Variants in SBF1 observed in about 807,000 individuals in gnomAD.
SBF1 encodes the protein SET binding factor 1.
Under a neutral mutation model 215.8 loss-of-function variants are expected in SBF1, and 65 were observed. That is an observed-to-expected ratio of 0.30 (90% CI 0.25 to 0.37). The LOEUF (loss-of-function observed/expected upper bound fraction) is 0.37, where lower values mean the gene tolerates loss of function less well. Among genes scored for constraint, SBF1 ranks in the 10% least tolerant of loss-of-function variants. The pLI is 1.00. For synonymous variants in SBF1, 1,410 were observed against 1,122.8 expected, an observed-to-expected ratio of 1.26 and a Z score of -5.11; for missense variants, 2,634 against 2,667.8, an observed-to-expected ratio of 0.99 and a Z score of 0.28.
intron 10 of SBF1, 123 bp downstream of exon 10, chr22:50,465,640 T>TA: frequency 1.1e-6 from 1 of 915,498 alleles, no homozygotes; most frequent in Non-Finnish European, 1.6e-6. Context: ...CCCAGGCTCC[T>TA]GCTTCTGCTA....
intron 31 of SBF1, chr22:50,455,842 C>CT (rs11405373): frequency 5.2e-5 from 30 of 576,766 alleles, no homozygotes; most frequent in Non-Finnish European, 4.0e-5. Context: ...CTCAAGATGC[C>CT]GGTGGCCCTA....
chr22:50,454,927 TCTCCTC>T lies in SBF1; in HGVS notation c.4693_4698del (p.Glu1565_Glu1566del). 4 of 1,613,906 alleles carry T rather than the reference TCTCCTC, an allele frequency of 2.5e-6. No individual in the cohort carries two copies. The highest frequency in any genetic ancestry group is 3.4e-6 in the Non-Finnish European group (4 of 1,179,976). On this transcript the variant is annotated inframe_deletion, in exon 35 of 41. Coordinates refer to ENST00000380817, the MANE Select transcript of SBF1 (RefSeq NM_002972.4). The stretch of plus-strand genomic sequence containing the variant: ...GGCACCTGGCCCCTGCGTTCCCCCT[TCTCCTC>T]ATACAGCAGCCCTGCACAGAAGCAG...
chr22:50,449,472 G>A (rs557407283), intron 36 of SBF1, among the ~76,000 whole-genome samples: 49 of 152,050 alleles, frequency 3.2e-4, no homozygotes, highest in East Asian at 5.8e-4. Flanking sequence ...AAAATTAGCC[G>A]GACGCAGTGG....
At chr22:50,453,484 CT>C (rs1419615579) in intron 36 of SBF1, among the ~76,000 whole-genome samples, 4 of 152,170 alleles carry the variant, frequency 2.6e-5, no homozygotes, top group Non-Finnish European at 4.4e-5. Flanking sequence ...GAACCAGAAG[CT>C]CTAAGATGCT....
intron 36 of SBF1, 106 bp from the exon 37 acceptor site, chr22:50,448,756 C>T (rs748614741): frequency 9.6e-5 from 80 of 837,026 alleles, no homozygotes; most frequent in Non-Finnish European, 1.3e-4. Context: ...AAAGGCCTAA[C>T]GCGTGTGTGA....
intron 16 of SBF1, 120 bp from the exon 17 acceptor site, chr22:50,463,058 TC>T: frequency 8.4e-7 from 1 of 1,185,130 alleles, no homozygotes; most frequent in South Asian, 1.3e-5. Context: ...TGGCTCCAGC[TC>T]CCCAAGGCTG....
In SBF1 at chr22:50,460,324, G is replaced by A. The variant is rs758221298; in HGVS notation, c.3231C>T (p.Ser1077=). Residue 1077 remains serine, a synonymous_variant, in exon 25 of 41, where the codon AGC becomes AGT. Transcript: ENST00000380817. ...GGGGCGGCTGGCCCCGGTGCTCCCA[G>A]CTGGGGGGGTTGTACTTCTTGCGAG... ...HVTRKKYNPP[S]WEHRGQPPPE... 7.3e-5 allele frequency: 117 copies of A among 1,613,182 alleles called. No individual in the cohort carries two copies. The highest frequency in any genetic ancestry group is 1.6e-4 in the Middle Eastern group (1 of 6,082).
intron 1 of SBF1, among the ~76,000 whole-genome samples, chr22:50,471,544 C>A (rs548899795): frequency 6.6e-6 from 1 of 152,148 alleles, no homozygotes; most frequent in Non-Finnish European, 1.5e-5. Context: ...TTGTGGGGAA[C>A]CCAGCTATAG....
In SBF1 at chr22:50,456,599, T is replaced by C. The variant is rs1343568907; in HGVS notation, c.3979A>G (p.Arg1327Gly). The change falls in exon 30 of 41, where the codon AGA becomes GGA. Residue 1327 changes from arginine to glycine, a missense_variant. Physicochemically the swap from Arg to Gly is moderately radical, Grantham distance 125. Coordinates refer to ENST00000380817, the MANE Select transcript of SBF1 (RefSeq NM_002972.4). ...GTDVGSRLAG[R>G]DALAPPQANG... ...GCCTGGGGTGGGGCCAGCGCGTCTC[T>C]GCCAGCTAGCCGGGAGCCCACATCG... The C allele has an allele frequency of 7.2e-6, 11 of 1,535,034 alleles. No homozygotes were observed. Among genetic ancestry groups the C allele is most frequent in the Non-Finnish European group, 9.6e-6 (11 of 1,143,702 alleles).
chr22:50,451,519 G>A (rs1189556577), intron 36 of SBF1, among the ~76,000 whole-genome samples: 2 of 152,168 alleles, frequency 1.3e-5, no homozygotes, highest in African/African-American at 4.8e-5. Context: ...AGTTCCAGAA[G>A]GAAAGGGAGA....
chr22:50,453,796 A>T (rs2067140535), intron 36 of SBF1, among the ~76,000 whole-genome samples: 1 of 152,030 alleles, frequency 6.6e-6, no homozygotes, highest in Admixed American at 6.6e-5. Context: ...CAAAATAAAA[A>T]AAAAAAGATA....
In SBF1 at chr22:50,467,647, C is replaced by T. The variant is rs1183195579; in HGVS notation, c.323G>A (p.Gly108Glu). 5 of 1,613,854 alleles carry T rather than the reference C, an allele frequency of 3.1e-6. No homozygotes were observed. Among genetic ancestry groups the T allele is most frequent in the African/African-American group, 1.3e-5 (1 of 74,894 alleles). ...VEDATEREEE[G>E]DEGGQTHLSP... ...CAGGTGGGTCTGGCCTCCCTCATCC[C>T]CCTCTTCCTCCCTCTCTGTGGCATC... Residue 108 changes from glycine (G) to glutamate (E), a missense_variant, in exon 4 of 41, where the codon GGG becomes GAG. Transcript: ENST00000380817.
At chr22:50,447,738 C>T (rs757316846) in intron 38 of SBF1, 129 bp from the exon 39 acceptor site, 5 of 680,268 alleles carry the variant, frequency 7.4e-6, no homozygotes, top group Non-Finnish European at 1.3e-5. Context: ...CCAGAACTGA[C>T]CTAAGCCCAG....
chr22:50,456,911 G>A (rs1335015638), intron 29 of SBF1, 123 bp downstream of exon 29: 17 of 874,750 alleles, frequency 1.9e-5, no homozygotes, highest in Middle Eastern at 2.3e-4. Flanking sequence ...ACTGGGGCTC[G>A]GGAGACGGGT....
intron 15 of SBF1, 82 bp downstream of exon 15, chr22:50,464,247 A>G: frequency 1.7e-6 from 2 of 1,174,288 alleles, no homozygotes; most frequent in Non-Finnish European, 2.5e-6. Flanking sequence ...GGGCAGCGTC[A>G]GCACTCACAA....
Position 50,448,385 on chromosome 22 carries a change from C to G in SBF1, c.5211G>C (p.Val1737=). Residue 1737 remains valine, a synonymous_variant, in exon 38 of 41, where the codon GTG becomes GTC. Transcript: ENST00000380817. ...AGCCCACGGGCCCCTCCTGCAGGTA[C>G]ACACCCAGCGAGCGACGGTGGTGGG... is the stretch of plus-strand genomic sequence containing the variant. ...TAPHHRRSLG[V]YLQEGPVGST... is the part of the protein sequence containing the mutation. 1 of 1,613,940 alleles carries G rather than the reference C, an allele frequency of 6.2e-7. No homozygotes were observed. Among genetic ancestry groups the G allele is most frequent in the Non-Finnish European group, 8.5e-7 (1 of 1,180,032 alleles).
chr22:50,460,109 G>C lies in SBF1; in HGVS notation c.3334C>G (p.Pro1112Ala). The change falls in exon 26 of 41, where the codon CCC becomes GCC. Residue 1112 changes from proline (P) to alanine (A), a missense_variant. Pro to Ala is a conservative substitution (Grantham distance 27). Transcript: ENST00000380817. ...CTGCTCATGGTCATGCGGTCGGAGGGCTTCAGGGCTGAGGACGGGGTCAGC... is the reference window on the plus strand; with the variant it reads ...CTGCTCATGGTCATGCGGTCGGAGGCCTTCAGGGCTGAGGACGGGGTCAGC... Reference protein sequence around the residue: ...STLTPSSALKPSDRMTMSSLV... With the variant: ...STLTPSSALKASDRMTMSSLV... 1 of 1,613,394 alleles carries C rather than the reference G, an allele frequency of 6.2e-7. No individual in the cohort carries two copies. The highest frequency in any genetic ancestry group is 8.5e-7 in the Non-Finnish European group (1 of 1,179,996).
rs948882133 is a variant in SBF1 at position 50,446,361 on chromosome 22, C to CT, written c.*780_*781insA. 9.8e-5 allele frequency: 10 copies of CT among 101,622 alleles called. No individual in the cohort carries two copies. The highest frequency in any genetic ancestry group is 4.2e-4 in the African/African-American group (10 of 23,706). 6.3% of individuals were successfully genotyped at this position (101,622 alleles called of 1,614,324 possible). ...ATTCCCCTGGGAGCCCACTGTCCCC[C>CT]CCCCCCCCCCGCCTCCGGCCTCCAT... On this transcript the variant is annotated 3_prime_UTR_variant, in exon 41 of 41. Coordinates refer to ENST00000380817, the MANE Select transcript of SBF1 (RefSeq NM_002972.4).
chr22:50,462,811 G>C (rs1305566477), intron 17 of SBF1, 59 bp downstream of exon 17: 1 of 1,604,532 alleles, frequency 6.2e-7, no homozygotes, highest in Non-Finnish European at 8.5e-7. Flanking sequence ...CTGGGAAGGA[G>C]ACCTCAGCCA....
Sources: allele counts gnomAD v4.1 joint callset (sites outside exome capture counted in the v4.1 genomes callset), GRCh38; gene constraint gnomAD v4.1.1; transcripts MANE v1.5; gene names NCBI Gene and HGNC (gene_info 2026-07-23, HGNC 2026-07-21).